Variants in HIVEP2 observed in about 807,000 individuals in gnomAD.
HIVEP2 encodes transcription factor HIVEP2.
Under a neutral mutation model 180.7 loss-of-function variants are expected in HIVEP2, and 14 were observed. The ratio of observed to expected loss-of-function variants is 0.08; its 90% CI spans 0.05 to 0.12. The LOEUF (loss-of-function observed/expected upper bound fraction) is 0.12. Ranked by LOEUF, HIVEP2 falls within the 10% of genes least tolerant of loss-of-function variation. The pLI, the probability that HIVEP2 is intolerant of heterozygous loss-of-function variation, is 1.00. For synonymous variants in HIVEP2, 1,184 were observed against 1,136.4 expected (o/e 1.04, Z -0.84); for missense variants, 2,579 against 3,008.5 (o/e 0.86, Z 3.34).
At chr6:142,783,170 A>G (rs1000972298) in intron 3 of HIVEP2, among the ~76,000 whole-genome samples, 2 of 152,006 alleles carry the variant, frequency 1.3e-5, no homozygotes, top group African/African-American at 2.4e-5. Flanking sequence ...TCTACTAAAA[A>G]TACAAAAATT....
At chr6:142,854,047 CTT>C (rs1370773346) in intron 1 of HIVEP2, among the ~76,000 whole-genome samples, 1 of 152,112 alleles carries the variant, frequency 6.6e-6, no homozygotes, top group Non-Finnish European at 1.5e-5. Context: ...TGTTCTCAGT[CTT>C]TGTTTCTTAC....
At chr6:142,800,998 A>C (rs932036558) in intron 2 of HIVEP2, among the ~76,000 whole-genome samples, 3 of 152,084 alleles carry the variant, frequency 2.0e-5, no homozygotes, top group Admixed American at 2.0e-4. Context: ...ACCAGAGTGA[A>C]TACTGTAGGA....
chr6:142,797,478 C>T (rs547707728), intron 2 of HIVEP2, among the ~76,000 whole-genome samples: 11 of 152,224 alleles, frequency 7.2e-5, no homozygotes, highest in Non-Finnish European at 1.3e-4. Context: ...GAGACAATAT[C>T]ACCCAAAACT....
At chr6:142,777,133 A>C (rs1177136780) in intron 3 of HIVEP2, among the ~76,000 whole-genome samples, 4 of 152,214 alleles carry the variant, frequency 2.6e-5, no homozygotes, top group Admixed American at 2.6e-4. Context: ...AAAATAAAAA[A>C]GATCATACAC....
chr6:142,819,717 T>C (rs1438591714), intron 2 of HIVEP2, among the ~76,000 whole-genome samples: 1 of 152,190 alleles, frequency 6.6e-6, no homozygotes, highest in African/African-American at 2.4e-5. Flanking sequence ...GGGAAAATTT[T>C]TAACTAATAC....
chr6:142,935,765 C>A (rs1778039217), intron 1 of HIVEP2, among the ~76,000 whole-genome samples: 1 of 152,132 alleles, frequency 6.6e-6, no homozygotes, highest in African/African-American at 2.4e-5. Context: ...ATGCCCAGCA[C>A]ATGTCATACA....
Position 142,853,040 on chromosome 6 carries a change from C to T in HIVEP2, c.-640-15993G>A, listed in dbSNP as rs569549165. ...CCTCTTTTCTTACTTTTTCTAGAAC[C>T]TGCTAAGATTCCAGTTATTTTCTTA... On this transcript the variant is annotated intron_variant, in intron 1 of 9. Coordinates refer to ENST00000367603, the MANE Select transcript of HIVEP2 (RefSeq NM_006734.4). Among the ~76,000 whole-genome samples, 4 of 152,230 alleles carry T rather than the reference C, an allele frequency of 2.6e-5. No homozygotes were observed. The South Asian group carries it at 8.3e-4, about 32-fold the overall frequency.
At position 142,771,618 on chromosome 6, in the gene HIVEP2, C is replaced by G; in HGVS notation, c.3121G>C (p.Ala1041Pro). The G allele has an allele frequency of 6.2e-7, 1 of 1,614,178 alleles. No individual in the cohort carries two copies. Among genetic ancestry groups the G allele is most frequent in the Non-Finnish European group, 8.5e-7 (1 of 1,180,048 alleles). Residue 1041 changes from alanine to proline, a missense_variant, in exon 5 of 10, where the codon GCG (alanine) becomes CCG (proline). Transcript: ENST00000367603. This position sits in a 1 kb window ranked among gnomAD's most constrained non-coding sequence, Gnocchi z 5.4. ...SSEQMPCPHP[A>P]EVPEVRSKSF... ...TTGCTCCGAACTTCTGGGACTTCCGCTGGGTGAGGACAAGGCATCTGCTCT... is the reference window on the plus strand; with the variant it reads ...TTGCTCCGAACTTCTGGGACTTCCGGTGGGTGAGGACAAGGCATCTGCTCT...
At chr6:142,902,815 C>T (rs1052996443) in intron 1 of HIVEP2, among the ~76,000 whole-genome samples, 1 of 152,192 alleles carries the variant, frequency 6.6e-6, no homozygotes, top group African/African-American at 2.4e-5. Context: ...CCAGATGCCC[C>T]TTACTGCTTG....
intron 1 of HIVEP2, among the ~76,000 whole-genome samples, chr6:142,874,681 A>C (rs925227119): frequency 7.2e-5 from 11 of 152,176 alleles, no homozygotes; most frequent in Non-Finnish European, 5.9e-5. Flanking sequence ...AAATGCAGCC[A>C]GCAAGGACCA....
At chr6:142,842,806 T>C (rs977009774) in intron 1 of HIVEP2, among the ~76,000 whole-genome samples, 1 of 152,188 alleles carries the variant, frequency 6.6e-6, no homozygotes, top group African/African-American at 2.4e-5. Context: ...AAGATTTTTT[T>C]TTAAAGGCCA....
At chr6:142,944,821 C>G (rs1778275762) in intron 1 of HIVEP2, 2 of 152,544 alleles carry the variant, frequency 1.3e-5, no homozygotes, top group Non-Finnish European at 2.9e-5. Flanking sequence ...GCGCCCGGGT[C>G]CAGCCGGCAG....
At chr6:142,939,100 T>C (rs1778116963) in intron 1 of HIVEP2, among the ~76,000 whole-genome samples, 1 of 152,228 alleles carries the variant, frequency 6.6e-6, no homozygotes, top group African/African-American at 2.4e-5. Context: ...AAAAATTTTA[T>C]ATTAGGTTAA....
At chr6:142,762,493 CAT>C (rs1342832346) in intron 7 of HIVEP2, among the ~76,000 whole-genome samples, 136 of 89,874 alleles carry the variant, frequency 1.5e-3, no homozygotes, top group African/African-American at 2.3e-3. Flanking sequence ...CACACACACA[CAT>C]ACATATAAAT....
intron 1 of HIVEP2, among the ~76,000 whole-genome samples, chr6:142,840,385 T>A (rs985610735): frequency 2.2e-5 from 1 of 45,274 alleles, no homozygotes; most frequent in Non-Finnish European, 4.6e-5. Flanking sequence ...TTAATATTTT[T>A]AATATTATTT....
intron 1 of HIVEP2, among the ~76,000 whole-genome samples, chr6:142,893,062 G>T (rs1776900043): frequency 6.6e-6 from 1 of 152,206 alleles, no homozygotes; most frequent in South Asian, 2.1e-4. Context: ...TCATTCTCAT[G>T]AAACAATTAG....
intron 2 of HIVEP2, among the ~76,000 whole-genome samples, chr6:142,826,885 T>C (rs1005002439): frequency 2.0e-5 from 3 of 152,336 alleles, no homozygotes; most frequent in African/African-American, 7.2e-5. Context: ...TTTTGCCTGT[T>C]TTCTCTGCTC....
rs933676864 is a variant in HIVEP2 at position 142,770,182 on chromosome 6, C to T, written c.4557G>A (p.Ser1519=). ...AAGGATAGTCTTGAGATGAGGAGGGCGACAGCGAGGAGAAGGAAGATGACC... is the reference window on the plus strand; with the variant it reads ...AAGGATAGTCTTGAGATGAGGAGGGTGACAGCGAGGAGAAGGAAGATGACC... ...QSGSSSFSSL[S]PSSSQDYPSV... The change falls in exon 5 of 10, where the codon TCG becomes TCA. Residue 1519 remains serine, a synonymous_variant. Transcript: ENST00000367603. This position sits in a 1 kb window ranked among gnomAD's most constrained non-coding sequence, Gnocchi z 4.7. 13 of 1,614,012 alleles carry T rather than the reference C, an allele frequency of 8.1e-6. No individual in the cohort carries two copies. Among genetic ancestry groups the T allele is most frequent in the Admixed American group, 6.7e-5 (4 of 60,006 alleles).
intron 1 of HIVEP2, among the ~76,000 whole-genome samples, chr6:142,872,784 G>A (rs1028146079): frequency 4.6e-5 from 7 of 152,166 alleles, no homozygotes; most frequent in African/African-American, 1.7e-4. Flanking sequence ...TAATGGCCAC[G>A]ATTGAGGGTC....
Sources: allele counts gnomAD v4.1 joint callset (sites outside exome capture counted in the v4.1 genomes callset), GRCh38; gene constraint gnomAD v4.1.1; non-coding constraint Gnocchi (gnomAD v3.1); transcripts MANE v1.5; gene names NCBI Gene and HGNC (gene_info 2026-07-23, HGNC 2026-07-21).